The following AFF1 variants were observed in gnomAD, a reference collection of about 807,000 sequenced individuals.
AFF1 encodes ALF transcription elongation factor 1.
A neutral mutation model predicts 121.7 loss-of-function variants in AFF1; 48 were observed. The ratio of observed to expected loss-of-function variants is 0.39; its 90% CI spans 0.31 to 0.50. AFF1 has a LOEUF of 0.50. Among genes scored for constraint, AFF1 ranks in the 20% least tolerant of loss-of-function variants. The pLI is 0.76. For synonymous variants in AFF1, 613 were observed against 563.0 expected (o/e 1.09, Z -1.26); for missense variants, 1,523 against 1,511.7 (o/e 1.01, Z -0.12).
At chr4:87,058,824 A>G (rs1263086902) in intron 4 of AFF1, among the ~76,000 whole-genome samples, 1 of 151,832 alleles carries the variant, frequency 6.6e-6, no homozygotes, top group Admixed American at 6.6e-5. Context: ...TCTACTTGCA[A>G]CCCATTGCAG....
chr4:86,979,144 C>G (rs961995578), intron 2 of AFF1, among the ~76,000 whole-genome samples: 2 of 152,178 alleles, frequency 1.3e-5, no homozygotes. Flanking sequence ...GTCGCCCAGG[C>G]TGGAGTGCAG....
chr4:86,959,583 C>G (rs144568578), intron 2 of AFF1, among the ~76,000 whole-genome samples: 2 of 149,594 alleles, frequency 1.3e-5, no homozygotes, highest in African/African-American at 4.9e-5. Flanking sequence ...GGTTGAGTGT[C>G]TGTTAGGGAA....
chr4:87,127,707 A>G lies in AFF1; in HGVS notation c.2964+4A>G, dbSNP rs1336795381. 1 of 1,614,140 alleles carries G rather than the reference A, an allele frequency of 6.2e-7. No homozygotes were observed. The highest frequency in any genetic ancestry group is 8.5e-7 in the Non-Finnish European group (1 of 1,179,980). ...GAAGCAGAAAGCAGAGTTAATGGTT[A>G]GTATTGGCCCTTTATCTCTTTGGTA... On this transcript the variant is annotated splice_donor_region_variant and intron_variant, in intron 16 of 20. Transcript: ENST00000395146.
At chr4:87,068,262 C>CCCCA (rs1359496358) in intron 4 of AFF1, among the ~76,000 whole-genome samples, 1 of 143,238 alleles carries the variant, frequency 7.0e-6, no homozygotes, top group Non-Finnish European at 1.5e-5. Context: ...AAATTGCCCC[C>CCCCA]CCCCCACTCC....
At chr4:87,013,754 G>A (rs1427553928) in intron 2 of AFF1, among the ~76,000 whole-genome samples, 1 of 150,998 alleles carries the variant, frequency 6.6e-6, no homozygotes, top group African/African-American at 2.4e-5. Flanking sequence ...GGGCAATATG[G>A]TCATATGAGG....
chr4:86,977,580 A>T (rs2149486688), intron 2 of AFF1, among the ~76,000 whole-genome samples: 1 of 152,124 alleles, frequency 6.6e-6, no homozygotes, highest in Middle Eastern at 3.4e-3. Flanking sequence ...CCCCCTGCAT[A>T]ATTACCTGTT....
At chr4:87,126,903 G>T in intron 14 of AFF1, 123 bp from the exon 15 acceptor site, 1 of 801,738 alleles carries the variant, frequency 1.2e-6, no homozygotes, top group Non-Finnish European at 2.0e-6. Context: ...AGGGTAGATT[G>T]TGCATTGTTT....
chr4:87,084,929 G>C (rs1317233785), intron 5 of AFF1, among the ~76,000 whole-genome samples: 1 of 152,188 alleles, frequency 6.6e-6, no homozygotes, highest in Non-Finnish European at 1.5e-5. Flanking sequence ...GCGTTCTGTA[G>C]GTGATACCTA....
chr4:87,125,228 A>AGTG, intron 13 of AFF1, 85 bp downstream of exon 13: 1 of 949,472 alleles, frequency 1.1e-6, no homozygotes. Context: ...TTTCTTCTGC[A>AGTG]CTAGAATCAG....
At chr4:87,097,957 G>A (rs1294359900) in intron 8 of AFF1, among the ~76,000 whole-genome samples, 1 of 152,182 alleles carries the variant, frequency 6.6e-6, no homozygotes, top group Non-Finnish European at 1.5e-5. Context: ...AGCTATTTGA[G>A]TGGCACATAG....
In AFF1 at chr4:87,132,404, G is replaced by A; in HGVS notation, c.3307G>A (p.Ala1103Thr). The change falls in exon 19 of 21, where the codon GCA becomes ACA. Residue 1103 changes from alanine to threonine, a missense_variant. By Grantham distance (58) the Ala-to-Thr change is moderately conservative. Around this residue, in one of 5 missense-constraint regions of AFF1, gnomAD observed 241 missense variants for 265.2 expected, o/e 0.91. Coordinates refer to ENST00000395146, the MANE Select transcript of AFF1 (RefSeq NM_001166693.3). The part of the protein sequence containing the change: ...KVAQAPSPCI[A>T]RSTGTPSPLS... ...CGCCCAGGCACCTTCTCCATGCATT[G>A]CAAGGTAACTCTAAGTCTAATATAA... 1.9e-6 allele frequency: 3 copies of A among 1,609,110 alleles called. No individual in the cohort carries two copies. Among genetic ancestry groups the A allele is most frequent in the Non-Finnish European group, 2.5e-6 (3 of 1,178,520 alleles).
chr4:87,124,649 A>C (rs1014540129), intron 12 of AFF1, among the ~76,000 whole-genome samples: 1 of 152,244 alleles, frequency 6.6e-6, no homozygotes, highest in Admixed American at 6.5e-5. Context: ...GAAACCTCAT[A>C]AAAAATCATC....
intron 2 of AFF1, among the ~76,000 whole-genome samples, chr4:87,022,763 CAT>C (rs752144566): frequency 7.3e-4 from 106 of 145,718 alleles, no homozygotes; most frequent in African/African-American, 1.3e-3. Context: ...TATATAATAT[CAT>C]GTGTGTGTAT....
intron 12 of AFF1, among the ~76,000 whole-genome samples, chr4:87,117,572 G>A (rs1178923697): frequency 6.6e-6 from 1 of 152,132 alleles, no homozygotes. Flanking sequence ...GTACTGCAGG[G>A]CCCAAGAGCA....
rs17012274 is a variant in AFF1 at position 87,034,586 on chromosome 4, A to G, written c.39-11580A>G. Among the ~76,000 whole-genome samples, 1,301 of 152,358 alleles carry G rather than the reference A, an allele frequency of 8.5e-3. 23 individuals carry two copies. Among genetic ancestry groups the G allele is most frequent in the African/African-American group, 0.03 (1,254 of 41,574 alleles). On this transcript the variant is annotated intron_variant, in intron 2 of 20. Coordinates refer to ENST00000395146, the MANE Select transcript of AFF1 (RefSeq NM_001166693.3). ...TGTATTTTCTCTAAGTGTTACCCAA[A>G]CGTAGTACCTTTTCTTTTACTGTAG...
At position 86,943,856 on chromosome 4, in the gene AFF1, G is replaced by A. The variant is rs183031452; in HGVS notation, c.-36-4642G>A. 3.2e-3 allele frequency among the ~76,000 whole-genome samples: 494 copies of A among 152,068 alleles called. 10 individuals carry two copies. The highest frequency in any genetic ancestry group is 0.022 in the Admixed American group (339 of 15,278). ...GCATGCCTGTAATCCCAGCTACTCG[G>A]GAGGCTGAGGCAGGAGAATCGCTTG... is the stretch of plus-strand genomic sequence containing the variant. On this transcript the variant is annotated intron_variant, in intron 1 of 20. Coordinates refer to ENST00000395146, the MANE Select transcript of AFF1 (RefSeq NM_001166693.3).
intron 16 of AFF1, among the ~76,000 whole-genome samples, chr4:87,128,775 A>G (rs1252088935): frequency 2.6e-5 from 4 of 152,238 alleles, no homozygotes; most frequent in Admixed American, 2.6e-4. Context: ...GTCAAAGACA[A>G]GCCTCTCTAG....
intron 2 of AFF1, among the ~76,000 whole-genome samples, chr4:86,998,627 G>T (rs1560528523): frequency 1.3e-5 from 2 of 149,794 alleles, no homozygotes. Flanking sequence ...TATTGTACCT[G>T]TTTTTTTTTC....
rs79882702 is a variant in AFF1, at chr4:86,990,582, A to G, written c.38+42011A>G. 3.9e-3 allele frequency among the ~76,000 whole-genome samples: 594 copies of G among 152,312 alleles called. 3 individuals carry two copies. The highest frequency in any genetic ancestry group is 0.013 in the African/African-American group (558 of 41,574). On this transcript the variant is annotated intron_variant, in intron 2 of 20. Coordinates refer to ENST00000395146, the MANE Select transcript of AFF1 (RefSeq NM_001166693.3). ...CCATTCATGAGCAACACTGCTAGCC[A>G]TTAGTGGCCAGCAAGAAGGGGAGTG...
Sources: gnomAD v4.1 joint callset for allele counts (sites outside exome capture counted in the v4.1 genomes callset) on GRCh38, gnomAD v4.1.1 for gene constraint, gnomAD v4.1.1 regional missense constraint, MANE v1.5 for transcripts, NCBI Gene and HGNC (gene_info 2026-07-23, HGNC 2026-07-21) for gene names.